GRIA4: variants seen among roughly 807,000 people sequenced by gnomAD.
GRIA4 encodes glutamate ionotropic receptor AMPA type subunit 4.
Under a neutral mutation model 104.0 loss-of-function variants are expected in GRIA4, and 34 were observed. That is an observed-to-expected ratio of 0.33 (90% CI 0.25 to 0.44). The LOEUF (loss-of-function observed/expected upper bound fraction) is 0.44, where lower values mean the gene tolerates loss of function less well. GRIA4 is among the 20% of genes least tolerant of loss of function. The pLI, the probability that GRIA4 is intolerant of heterozygous loss-of-function variation, is 1.00. For missense variants in GRIA4, 750 were observed against 1,096.5 expected (o/e 0.68, Z 4.46); for synonymous variants, 386 against 381.9 (o/e 1.01, Z -0.13).
rs774837627 is a variant in GRIA4, at chr11:105,611,071, G to T, written c.74G>T (p.Ser25Ile). ...GGACTCGCCATGGGAGCCTTTCCGA[G>T]CAGCGTGCAAATAGGTAAGGTGTGC... ...FWGLAMGAFP[S>I]SVQIGGLFIR... The change falls in exon 2 of 17, where the codon AGC (serine) becomes ATC (isoleucine). Residue 25 changes from serine (S) to isoleucine (I), a missense_variant. By Grantham distance (142) the Ser-to-Ile change is moderately radical. This residue lies in a region of GRIA4 where 410 missense variants were observed against 502.7 expected (regional missense o/e 0.82). Coordinates refer to ENST00000282499, the MANE Select transcript of GRIA4 (RefSeq NM_000829.4). 3 of 1,612,764 alleles carry T rather than the reference G, an allele frequency of 1.9e-6. No individual in the cohort carries two copies. Among genetic ancestry groups the T allele is most frequent in the Non-Finnish European group, 2.5e-6 (3 of 1,178,922 alleles).
intron 16 of GRIA4, chr11:105,974,647 T>G: frequency 7.9e-7 from 1 of 1,261,876 alleles, no homozygotes; most frequent in Non-Finnish European, 1.1e-6. Flanking sequence ...TATTGCTTGC[T>G]TCTAATTAGA....
chr11:105,648,074 T>C (rs897047240), intron 3 of GRIA4, among the ~76,000 whole-genome samples: 6 of 151,914 alleles, frequency 3.9e-5, no homozygotes, highest in Admixed American at 3.3e-4. Flanking sequence ...ATAAAAATAA[T>C]ATCAAATTAT....
intron 3 of GRIA4, among the ~76,000 whole-genome samples, chr11:105,703,338 T>G (rs772426301): frequency 4.6e-5 from 7 of 152,098 alleles, no homozygotes; most frequent in Non-Finnish European, 1.5e-5. Context: ...ACAGCAGGGG[T>G]GGGTACTTGC....
intron 4 of GRIA4, among the ~76,000 whole-genome samples, chr11:105,812,282 T>C (rs1565255720): frequency 1.3e-5 from 2 of 152,198 alleles, no homozygotes; most frequent in African/African-American, 2.4e-5. Flanking sequence ...ATGTAACATA[T>C]AAGGGTTCCT....
chr11:105,700,399 C>A (rs1368079720), intron 3 of GRIA4, among the ~76,000 whole-genome samples: 1 of 152,130 alleles, frequency 6.6e-6, no homozygotes, highest in African/African-American at 2.4e-5. Context: ...TATTGCTAAA[C>A]CAGAGTAGAT....
At chr11:105,785,875 G>A (rs1941939410) in intron 4 of GRIA4, among the ~76,000 whole-genome samples, 1 of 152,066 alleles carries the variant, frequency 6.6e-6, no homozygotes, top group Non-Finnish European at 1.5e-5. Flanking sequence ...GCTGGGGGTG[G>A]TGACTCACAC....
intron 11 of GRIA4, among the ~76,000 whole-genome samples, chr11:105,920,098 T>A (rs1198912624): frequency 1.3e-5 from 2 of 152,044 alleles, no homozygotes; most frequent in African/African-American, 4.8e-5. Context: ...TACAGTACAG[T>A]AAAGCAGCTA....
In GRIA4 at chr11:105,979,730, C is replaced by G; in HGVS notation, c.2700C>G (p.Asp900Glu). 3 of 1,612,880 alleles carry G rather than the reference C, an allele frequency of 1.9e-6. No individual in the cohort carries two copies. The South Asian group carries it at 3.3e-5, about 18-fold the overall frequency. The change falls in exon 17 of 17, where the codon GAC (aspartate) becomes GAG (glutamate). Residue 900 changes from aspartate (D) to glutamate (E), a missense_variant. Asp to Glu is a conservative substitution (Grantham distance 45). Around this residue, in one of 3 missense-constraint regions of GRIA4, gnomAD observed 68 missense variants for 69.3 expected, o/e 0.98. Transcript: ENST00000282499. ...QSSGLAVIAS[D>E]LP Reference sequence around the variant, plus strand: ...CAGGATTGGCTGTCATTGCATCGGACCTACCATAAAAACCAAAAAAATAAT... The same window carrying G: ...CAGGATTGGCTGTCATTGCATCGGAGCTACCATAAAAACCAAAAAAATAAT...
At chr11:105,820,344 T>C (rs949452572) in intron 4 of GRIA4, among the ~76,000 whole-genome samples, 2 of 152,118 alleles carry the variant, frequency 1.3e-5, no homozygotes, top group African/African-American at 2.4e-5. Context: ...AGACATCTTG[T>C]CTCTTTCCAT....
At chr11:105,851,936 G>C (rs1430998695) in intron 4 of GRIA4, among the ~76,000 whole-genome samples, 5 of 152,136 alleles carry the variant, frequency 3.3e-5, no homozygotes, top group Non-Finnish European at 4.4e-5. Flanking sequence ...ACATCCTACT[G>C]TTCCATTTCT....
At chr11:105,729,408 C>G (rs1938436160) in intron 3 of GRIA4, among the ~76,000 whole-genome samples, 2 of 152,290 alleles carry the variant, frequency 1.3e-5, no homozygotes, top group South Asian at 2.1e-4. Context: ...GATTCAGACC[C>G]AATTTCTACC....
At position 105,836,107 on chromosome 11, in the gene GRIA4, T is replaced by A. The variant is rs141307434; in HGVS notation, c.488-25917T>A. 1.9e-3 allele frequency among the ~76,000 whole-genome samples: 292 copies of A among 152,206 alleles called. 2 individuals carry two copies. Among genetic ancestry groups the A allele is most frequent in the African/African-American group, 6.7e-3 (278 of 41,548 alleles). On this transcript the variant is annotated intron_variant, in intron 4 of 16. Coordinates refer to ENST00000282499, the MANE Select transcript of GRIA4 (RefSeq NM_000829.4). The stretch of plus-strand genomic sequence containing the variant: ...CAGTAAAGAGTTAAGGCCCCTAAGC[T>A]GGTAGAAATAGGCTCTTAGAAAAAG...
chr11:105,634,969 A>G (rs555008470), intron 3 of GRIA4, among the ~76,000 whole-genome samples: 3 of 152,282 alleles, frequency 2.0e-5, no homozygotes, highest in South Asian at 4.1e-4. Flanking sequence ...GATTATGGAT[A>G]CCTTTGTCTA....
At chr11:105,824,787 C>T (rs572327669) in intron 4 of GRIA4, 1 of 152,222 alleles carries the variant, frequency 6.6e-6, no homozygotes, top group South Asian at 2.1e-4. Context: ...GAAGTATCTC[C>T]ACAATCATCT....
intron 3 of GRIA4, among the ~76,000 whole-genome samples, chr11:105,627,352 G>T (rs1321493341): frequency 1.3e-5 from 2 of 152,044 alleles, no homozygotes; most frequent in African/African-American, 4.8e-5. Context: ...AGCACTGCGA[G>T]GCAGGGAGGG....
At chr11:105,653,157 C>G (rs1176785859) in intron 3 of GRIA4, among the ~76,000 whole-genome samples, 2 of 152,252 alleles carry the variant, frequency 1.3e-5, no homozygotes, top group Admixed American at 6.5e-5. Flanking sequence ...GTGATCTGCC[C>G]GCCTCGGCCT....
At chr11:105,903,579 A>G (rs1308587209) in intron 7 of GRIA4, among the ~76,000 whole-genome samples, 1 of 152,104 alleles carries the variant, frequency 6.6e-6, no homozygotes, top group Non-Finnish European at 1.5e-5. Flanking sequence ...TGGAATTTCT[A>G]TTTTTCAGAA....
chr11:105,616,434 G>T (rs1226018982), intron 3 of GRIA4, among the ~76,000 whole-genome samples: 1 of 151,648 alleles, frequency 6.6e-6, no homozygotes, highest in Non-Finnish European at 1.5e-5. Context: ...AAATAGAGTT[G>T]TTTAGTTAAT....
chr11:105,860,910 G>C (rs947191109), intron 4 of GRIA4, among the ~76,000 whole-genome samples: 3 of 138,658 alleles, frequency 2.2e-5, no homozygotes, highest in Non-Finnish European at 3.0e-5. Flanking sequence ...AGTGAGCCAA[G>C]ATTGTGCCAC....
Sources: allele counts gnomAD v4.1 joint callset (sites outside exome capture counted in the v4.1 genomes callset), GRCh38; gene constraint gnomAD v4.1.1; regional missense constraint gnomAD v4.1.1; transcripts MANE v1.5; gene names NCBI Gene and HGNC (gene_info 2026-07-23, HGNC 2026-07-21).